The following TNRC6B variants were observed in gnomAD, a reference collection of about 807,000 sequenced individuals.
TNRC6B encodes the protein trinucleotide repeat containing adaptor 6B, also known as trinucleotide repeat-containing gene 6B protein.
A neutral mutation model predicts 203.6 loss-of-function variants in TNRC6B; 52 were observed. The observed-to-expected ratio is 0.26, with a 90% CI of 0.20 to 0.32. The LOEUF (loss-of-function observed/expected upper bound fraction) is 0.32. Ranked by LOEUF, TNRC6B falls within the 10% of genes least tolerant of loss-of-function variation. TNRC6B has a pLI of 1.00. For missense variants in TNRC6B, 1,923 were observed against 2,286.2 expected (o/e 0.84, Z 3.24); for synonymous variants, 838 against 845.7 (o/e 0.99, Z 0.16).
intron 3 of TNRC6B, chr22:40,125,905 C>T (rs1220560723): frequency 6.3e-7 from 1 of 1,586,356 alleles, no homozygotes; most frequent in Non-Finnish European, 8.6e-7. Context: ...AGAAATTGAA[C>T]AGTAGAGGCT....
At chr22:40,092,658 A>G (rs1402560359) in intron 1 of TNRC6B, among the ~76,000 whole-genome samples, 2 of 152,072 alleles carry the variant, frequency 1.3e-5, no homozygotes, top group African/African-American at 2.4e-5. Flanking sequence ...ATAGGTATGC[A>G]CCACCATGCC....
At chr22:40,231,379 A>T (rs548705070) in intron 1 of TNRC6B, among the ~76,000 whole-genome samples, 2 of 152,214 alleles carry the variant, frequency 1.3e-5, no homozygotes, top group African/African-American at 4.8e-5. Context: ...ATTCATGAGC[A>T]TGGTACATCT....
chr22:40,217,957 A>C (rs2069656801), intron 1 of TNRC6B, among the ~76,000 whole-genome samples: 2 of 143,462 alleles, frequency 1.4e-5, no homozygotes, highest in South Asian at 2.4e-4. Context: ...TGGGCGACAG[A>C]GTAAGACTCC....
intron 21 of TNRC6B, 62 bp downstream of exon 21, chr22:40,316,074 G>A (rs897828162): frequency 1.3e-6 from 2 of 1,498,912 alleles, no homozygotes; most frequent in African/African-American, 1.4e-5. Context: ...AGAGGGAAAG[G>A]TTGGGCATGG....
chr22:40,322,635 A>G (rs2071349374), intron 22 of TNRC6B, among the ~76,000 whole-genome samples: 1 of 152,220 alleles, frequency 6.6e-6, no homozygotes, highest in South Asian at 2.1e-4. Context: ...GTTGGTTTAC[A>G]TCATTACTTC....
chr22:40,165,818 G>A (rs1480022991), intron 4 of TNRC6B, among the ~76,000 whole-genome samples: 1 of 152,114 alleles, frequency 6.6e-6, no homozygotes, highest in Non-Finnish European at 1.5e-5. Flanking sequence ...AGAACAGCAT[G>A]AGAGTAACCA....
chr22:40,171,244 C>T (rs747447907), intron 4 of TNRC6B, among the ~76,000 whole-genome samples: 3 of 149,970 alleles, frequency 2.0e-5, no homozygotes, highest in Non-Finnish European at 4.4e-5. Context: ...TCACTGCAAC[C>T]TCCGCTTCCC....
chr22:40,130,025 A>G (rs2068527373), intron 3 of TNRC6B, among the ~76,000 whole-genome samples: 1 of 152,238 alleles, frequency 6.6e-6, no homozygotes, highest in Non-Finnish European at 1.5e-5. Context: ...TTTAAAAATG[A>G]GTTATGACTA....
intron 12 of TNRC6B, among the ~76,000 whole-genome samples, chr22:40,299,388 C>T (rs369789270): frequency 6.6e-6 from 1 of 151,918 alleles, no homozygotes; most frequent in African/African-American, 2.4e-5. Flanking sequence ...TACAGGCATG[C>T]GCCATCACAC....
intron 9 of TNRC6B, among the ~76,000 whole-genome samples, chr22:40,278,257 G>A (rs1000747807): frequency 5.3e-5 from 8 of 152,072 alleles, no homozygotes; most frequent in Admixed American, 1.3e-4. Flanking sequence ...GATGTGTGCC[G>A]GGTATAAGAA....
intron 1 of TNRC6B, chr22:40,106,664 C>T: frequency 1.3e-6 from 1 of 752,278 alleles, no homozygotes. Flanking sequence ...CTCTACAATC[C>T]TCAGCATGTT....
chr22:40,110,864 G>A (rs2034378463), intron 1 of TNRC6B, among the ~76,000 whole-genome samples: 1 of 152,198 alleles, frequency 6.6e-6, no homozygotes, highest in Admixed American at 6.5e-5. Context: ...AGCTCAGAAT[G>A]TCATATTGTA....
chr22:40,251,114 A>T, intron 2 of TNRC6B, 65 bp from the exon 3 acceptor site: 1 of 1,367,766 alleles, frequency 7.3e-7, no homozygotes, highest in Non-Finnish European at 1.0e-6. Flanking sequence ...AGACTAAAGT[A>T]GTCTGAAAAT....
chr22:40,119,543 C>A (rs1206680051), intron 2 of TNRC6B, among the ~76,000 whole-genome samples: 1 of 152,222 alleles, frequency 6.6e-6, no homozygotes, highest in Non-Finnish European at 1.5e-5. Context: ...GATATTGCAC[C>A]ACTGCACTCC....
At chr22:40,315,818 C>T (rs2071249783) in intron 20 of TNRC6B, 124 bp from the exon 21 acceptor site, 2 of 774,056 alleles carry the variant, frequency 2.6e-6, no homozygotes, top group Non-Finnish European at 4.2e-6. Context: ...GGTCAGAGTC[C>T]AGTGGAAAAG....
chr22:40,143,636 A>C (rs2146340175), intron 3 of TNRC6B, among the ~76,000 whole-genome samples: 1 of 152,072 alleles, frequency 6.6e-6, no homozygotes, highest in East Asian at 1.9e-4. Flanking sequence ...AGCTGGGACT[A>C]CAGGCGCCCA....
chr22:40,155,519 C>T (rs1342200611), intron 3 of TNRC6B, among the ~76,000 whole-genome samples: 1 of 152,048 alleles, frequency 6.6e-6, no homozygotes, highest in Non-Finnish European at 1.5e-5. Context: ...GATCTCCTGA[C>T]CTCATGATCT....
chr22:40,149,327 T>C (rs1190895415), intron 3 of TNRC6B, among the ~76,000 whole-genome samples: 2 of 152,140 alleles, frequency 1.3e-5, no homozygotes, highest in Admixed American at 6.5e-5. Context: ...TCTATAGTGA[T>C]AGAAAGTTCA....
At chr22:40,284,795 G>T (rs535431898) in intron 11 of TNRC6B, among the ~76,000 whole-genome samples, 1 of 152,202 alleles carries the variant, frequency 6.6e-6, no homozygotes, top group Non-Finnish European at 1.5e-5. Context: ...AGTGAAGATG[G>T]TATCAGAAAG....
Sources: gnomAD v4.1 joint callset for allele counts (sites outside exome capture counted in the v4.1 genomes callset) on GRCh38, gnomAD v4.1.1 for gene constraint, MANE v1.5 for transcripts, NCBI Gene and HGNC (gene_info 2026-07-23, HGNC 2026-07-21) for gene names.